ASTN1: variants seen among roughly 807,000 people sequenced by gnomAD.
ASTN1 encodes the protein astrotactin 1, also known as astrotactin-1.
Under a neutral mutation model 140.7 loss-of-function variants are expected in ASTN1, and 41 were observed. That is an observed-to-expected ratio of 0.29 (90% CI 0.23 to 0.38). ASTN1 has a LOEUF of 0.38. ASTN1 is among the 10% of genes least tolerant of loss of function. The probability of loss-of-function intolerance (pLI) is 1.00; values close to 1 mark genes in which losing one functional copy is unlikely to be tolerated. For synonymous variants in ASTN1, 640 were observed against 652.2 expected (o/e 0.98, Z 0.29); for missense variants, 1,479 against 1,678.8 (o/e 0.88, Z 2.08).
At chr1:176,858,783 G>A (rs1306695880), downstream of ASTN1, among the ~76,000 whole-genome samples, 1 of 152,122 alleles carries the variant, frequency 6.6e-6, no homozygotes, top group African/African-American at 2.4e-5. Flanking sequence ...TCTGACATGG[G>A]GTAACTGGGC....
chr1:176,876,423 C>T, intron 21 of ASTN1, 114 bp downstream of exon 21: 7 of 1,104,192 alleles, frequency 6.3e-6, no homozygotes, highest in Non-Finnish European at 9.4e-6. Flanking sequence ...ATTCTCCTTC[C>T]CTGCTGAACT....
intron 21 of ASTN1, among the ~76,000 whole-genome samples, chr1:176,873,218 A>T (rs1407615864): frequency 6.6e-6 from 1 of 152,200 alleles, no homozygotes; most frequent in East Asian, 1.9e-4. Flanking sequence ...CAGAACAGGC[A>T]TCAGGGAGGG....
intron 16 of ASTN1, among the ~76,000 whole-genome samples, chr1:176,896,947 C>T (rs1283697280): frequency 6.6e-6 from 1 of 152,090 alleles, no homozygotes; most frequent in Admixed American, 6.5e-5. Flanking sequence ...TTCAGAAACC[C>T]AGTGCTTTTT....
At position 177,004,071 on chromosome 1, in the gene ASTN1, A is replaced by T. The variant is rs531158337; in HGVS notation, c.1523+10720T>A. ...TTGCTGATGATATTATCTTATATCT[A>T]GAAAACCCTAAAATTTCCTCCAAGA... On this transcript the variant is annotated intron_variant, in intron 8 of 22. Transcript: ENST00000361833. Among the ~76,000 whole-genome samples the T allele has an allele frequency of 2.0e-5, 3 of 152,350 alleles. No homozygotes were observed. The South Asian group carries it at 6.2e-4, about 32-fold the overall frequency.
intron 16 of ASTN1, among the ~76,000 whole-genome samples, chr1:176,925,016 A>G (rs1026062773): frequency 6.6e-6 from 1 of 152,208 alleles, no homozygotes; most frequent in Non-Finnish European, 1.5e-5. Flanking sequence ...AAGTCAGCTT[A>G]TTGCCTTTAA....
intron 7 of ASTN1, among the ~76,000 whole-genome samples, chr1:177,021,188 CA>C (rs1675804937): frequency 6.6e-6 from 1 of 152,178 alleles, no homozygotes; most frequent in Non-Finnish European, 1.5e-5. Flanking sequence ...AGCTGCTATC[CA>C]AAATGAAGAT....
At chr1:176,871,455 C>T (rs144788250) in intron 21 of ASTN1, among the ~76,000 whole-genome samples, 1,887 of 152,230 alleles carry the variant, frequency 0.012, 23 homozygotes, top group Non-Finnish European at 0.02. Context: ...GTAGTCTTTG[C>T]GGAGGAGCAG....
chr1:177,097,511 G>A (rs897733175), intron 1 of ASTN1, among the ~76,000 whole-genome samples: 1 of 152,074 alleles, frequency 6.6e-6, no homozygotes, highest in East Asian at 1.9e-4. Context: ...ATAGTACTAC[G>A]ATATCATGAT....
At chr1:177,051,577 T>C (rs1046606171) in intron 2 of ASTN1, among the ~76,000 whole-genome samples, 1 of 152,244 alleles carries the variant, frequency 6.6e-6, no homozygotes, top group Non-Finnish European at 1.5e-5. Flanking sequence ...CATGGACACA[T>C]GGCTGGCTAC....
chr1:177,071,418 C>G (rs368339117), intron 1 of ASTN1, among the ~76,000 whole-genome samples: 1 of 152,174 alleles, frequency 6.6e-6, no homozygotes, highest in Non-Finnish European at 1.5e-5. Context: ...AACAGTTATG[C>G]TTTTATCAGT....
chr1:177,081,933 CT>C (rs1270592014), intron 1 of ASTN1, among the ~76,000 whole-genome samples: 1 of 152,032 alleles, frequency 6.6e-6, no homozygotes, highest in African/African-American at 2.4e-5. Context: ...GAGTAAGTCA[CT>C]GCTTGGATGT....
chr1:177,123,481 G>C (rs1288694786), intron 1 of ASTN1, among the ~76,000 whole-genome samples: 2 of 152,148 alleles, frequency 1.3e-5, no homozygotes, highest in Admixed American at 6.5e-5. Context: ...CCATGAAGGA[G>C]GCACAGTAGG....
chr1:177,148,871 G>A (rs1682840986), intron 1 of ASTN1, among the ~76,000 whole-genome samples: 2 of 151,616 alleles, frequency 1.3e-5, no homozygotes, highest in African/African-American at 4.8e-5. Flanking sequence ...TGAATGGGGA[G>A]ACTGATAGGA....
intron 11 of ASTN1, among the ~76,000 whole-genome samples, chr1:176,950,672 C>A (rs1047358565): frequency 2.6e-5 from 4 of 151,894 alleles, no homozygotes; most frequent in Admixed American, 6.5e-5. Context: ...CTAATCCTTT[C>A]TAATAGGCTG....
intron 1 of ASTN1, among the ~76,000 whole-genome samples, chr1:177,129,784 C>T (rs943094674): frequency 1.1e-4 from 17 of 152,022 alleles, no homozygotes; most frequent in African/African-American, 3.1e-4. Flanking sequence ...CTGGCTAACA[C>T]GGTGAAACCC....
chr1:176,925,276 T>A (rs1409528939), intron 16 of ASTN1, among the ~76,000 whole-genome samples: 1 of 152,120 alleles, frequency 6.6e-6, no homozygotes, highest in Admixed American at 6.5e-5. Context: ...GAAGTTTCTG[T>A]ATTAGACAGG....
chr1:177,122,675 A>T (rs1259693730), intron 1 of ASTN1, among the ~76,000 whole-genome samples: 3 of 152,110 alleles, frequency 2.0e-5, no homozygotes, highest in African/African-American at 7.2e-5. Context: ...TGGCCACTCC[A>T]CACTGCTTCT....
At chr1:177,129,764 C>T (rs1335701740) in intron 1 of ASTN1, among the ~76,000 whole-genome samples, 2 of 152,004 alleles carry the variant, frequency 1.3e-5, no homozygotes, top group East Asian at 3.9e-4. Flanking sequence ...GTCAGAAGAT[C>T]GAGACCATCC....
Position 176,943,983 on chromosome 1 carries a change from A to G in ASTN1, c.2285T>C (p.Leu762Pro). ...NNFARGLDQQLPDGLVVATVP... is the reference protein window; with the variant it reads ...NNFARGLDQQPPDGLVVATVP... ...AGTGGCCACCACAAGACCATCTGGCAGTTGCTGGTCTAAACCACGAGCAAA... is the reference window on the plus strand; with the variant it reads ...AGTGGCCACCACAAGACCATCTGGCGGTTGCTGGTCTAAACCACGAGCAAA... The change falls in exon 14 of 23, where the codon CTG becomes CCG. Residue 762 changes from leucine to proline, a missense_variant. This residue lies in a region of ASTN1 where 746 missense variants were observed against 800.9 expected (regional missense o/e 0.93). Coordinates refer to ENST00000361833, the MANE Select transcript of ASTN1 (RefSeq NM_004319.3). 1.2e-6 allele frequency: 2 copies of G among 1,614,078 alleles called. No homozygotes were observed. The highest frequency in any genetic ancestry group is 1.7e-6 in the Non-Finnish European group (2 of 1,179,976).
Sources: gnomAD v4.1 joint callset for allele counts (sites outside exome capture counted in the v4.1 genomes callset) on GRCh38, gnomAD v4.1.1 for gene constraint, gnomAD v4.1.1 regional missense constraint, MANE v1.5 for transcripts, NCBI Gene and HGNC (gene_info 2026-07-23, HGNC 2026-07-21) for gene names.